The following ROR1 variants were observed in gnomAD, a reference collection of about 807,000 sequenced individuals.
ROR1 encodes the protein inactive tyrosine-protein kinase transmembrane receptor ROR1.
Under a neutral mutation model 78.8 loss-of-function variants are expected in ROR1, and 19 were observed. The ratio of observed to expected loss-of-function variants is 0.24; its 90% CI spans 0.17 to 0.35. The LOEUF is 0.35. Ranked by LOEUF, ROR1 falls within the 10% of genes least tolerant of loss-of-function variation. The pLI, the probability that ROR1 is intolerant of heterozygous loss-of-function variation, is 1.00. For synonymous variants in ROR1, 386 were observed against 433.6 expected, an observed-to-expected ratio of 0.89 and a Z score of 1.36; for missense variants, 917 against 1,177.8, an observed-to-expected ratio of 0.78 and a Z score of 3.24.
intron 1 of ROR1, among the ~76,000 whole-genome samples, chr1:63,793,955 G>A (rs1374460635): frequency 6.6e-6 from 1 of 152,160 alleles, no homozygotes; most frequent in Non-Finnish European, 1.5e-5. Context: ...AAAGACTCCT[G>A]TCTCCGTTGT....
intron 1 of ROR1, among the ~76,000 whole-genome samples, chr1:63,802,670 AT>A (rs902509024): frequency 6.6e-6 from 1 of 152,100 alleles, no homozygotes; most frequent in African/African-American, 2.4e-5. Context: ...TGAGACTTTG[AT>A]TTTATTTAGA....
intron 1 of ROR1, among the ~76,000 whole-genome samples, chr1:63,985,820 A>T (rs1646246190): frequency 6.6e-6 from 1 of 152,030 alleles, no homozygotes; most frequent in African/African-American, 2.4e-5. Context: ...GTTTAGATTT[A>T]GGTCCCATCC....
intron 4 of ROR1, among the ~76,000 whole-genome samples, chr1:64,115,063 C>A (rs1279603746): frequency 6.6e-6 from 1 of 152,134 alleles, no homozygotes; most frequent in Non-Finnish European, 1.5e-5. Flanking sequence ...CTCTTGGACT[C>A]AAGCAATCCC....
intron 1 of ROR1, among the ~76,000 whole-genome samples, chr1:63,913,718 G>A (rs543801993): frequency 2.6e-5 from 4 of 152,276 alleles, no homozygotes; most frequent in African/African-American, 9.6e-5. Flanking sequence ...CCCTTGCTAC[G>A]AGGCTGCTCT....
At chr1:63,823,057 G>A (rs1010133737) in intron 1 of ROR1, among the ~76,000 whole-genome samples, 2 of 151,916 alleles carry the variant, frequency 1.3e-5, no homozygotes, top group Non-Finnish European at 2.9e-5. Context: ...GGTTAAAAAA[G>A]GGAATATTAT....
At chr1:63,819,354 A>G (rs1474694790) in intron 1 of ROR1, among the ~76,000 whole-genome samples, 1 of 152,160 alleles carries the variant, frequency 6.6e-6, no homozygotes, top group East Asian at 1.9e-4. Context: ...TTATGAGGGC[A>G]GGTGCATACC....
chr1:64,083,320 T>C (rs1310219082), intron 4 of ROR1, among the ~76,000 whole-genome samples: 3 of 152,138 alleles, frequency 2.0e-5, no homozygotes, highest in Non-Finnish European at 2.9e-5. Context: ...TGAGGTCTTG[T>C]ATTTAGAGAC....
At chr1:63,796,877 C>T (rs535446026) in intron 1 of ROR1, among the ~76,000 whole-genome samples, 2 of 152,130 alleles carry the variant, frequency 1.3e-5, no homozygotes, top group Admixed American at 6.5e-5. Flanking sequence ...CCCAGCTCCT[C>T]AGTATCATTG....
At chr1:64,060,120 C>A (rs779097228) in intron 4 of ROR1, among the ~76,000 whole-genome samples, 1 of 151,476 alleles carries the variant, frequency 6.6e-6, no homozygotes, top group East Asian at 1.9e-4. Context: ...TCTTTCTTTT[C>A]TTTTATCTTC....
intron 1 of ROR1, among the ~76,000 whole-genome samples, chr1:63,811,589 C>A (rs1255078264): frequency 2.6e-5 from 4 of 152,050 alleles, no homozygotes; most frequent in Admixed American, 6.5e-5. Context: ...CTCCTTCCTA[C>A]ACTGAGATGT....
intron 1 of ROR1, among the ~76,000 whole-genome samples, chr1:64,008,346 T>C (rs1254604347): frequency 6.6e-6 from 1 of 152,244 alleles, no homozygotes; most frequent in Non-Finnish European, 1.5e-5. Flanking sequence ...TACCACATTC[T>C]CTTTATCCAG....
chr1:63,883,498 G>A (rs768783020), intron 1 of ROR1, among the ~76,000 whole-genome samples: 1 of 152,122 alleles, frequency 6.6e-6, no homozygotes, highest in Non-Finnish European at 1.5e-5. Flanking sequence ...CGGGAAAGAA[G>A]GCACCTTCCA....
chr1:63,916,305 G>T (rs535609777), intron 1 of ROR1, among the ~76,000 whole-genome samples: 52 of 152,252 alleles, frequency 3.4e-4, no homozygotes, highest in African/African-American at 1.2e-3. Context: ...TCTCAAGAAG[G>T]GCTCATCAAG....
At chr1:63,858,384 A>G (rs1280906567) in intron 1 of ROR1, among the ~76,000 whole-genome samples, 2 of 152,142 alleles carry the variant, frequency 1.3e-5, no homozygotes, top group East Asian at 1.9e-4. Flanking sequence ...AGCACTTTGC[A>G]TTAGTTAAGT....
intron 1 of ROR1, among the ~76,000 whole-genome samples, chr1:63,898,316 T>TAA (rs66482013): frequency 2.0e-4 from 31 of 151,418 alleles, no homozygotes; most frequent in Admixed American, 3.9e-4. Context: ...GAATTGAAAG[T>TAA]AAAAAAATCG....
At chr1:63,836,259 TCA>T (rs1645018276) in intron 1 of ROR1, among the ~76,000 whole-genome samples, 1 of 152,208 alleles carries the variant, frequency 6.6e-6, no homozygotes, top group Non-Finnish European at 1.5e-5. Flanking sequence ...CGTCCATGAT[TCA>T]CACTCATTGT....
At chr1:63,784,049 CTCTG>C (rs1014978196) in intron 1 of ROR1, among the ~76,000 whole-genome samples, 1 of 151,766 alleles carries the variant, frequency 6.6e-6, no homozygotes, top group African/African-American at 2.4e-5. Context: ...TTTTTTTCAA[CTCTG>C]TCTGATGATT....
chr1:64,015,166 C>T (rs899912130), intron 2 of ROR1, among the ~76,000 whole-genome samples: 6 of 152,058 alleles, frequency 3.9e-5, no homozygotes, highest in African/African-American at 7.2e-5. Context: ...TTCACTATCA[C>T]GTGAACAACA....
At chr1:64,094,424 G>A (rs945867646) in intron 4 of ROR1, 5 of 152,226 alleles carry the variant, frequency 3.3e-5, no homozygotes, top group Non-Finnish European at 5.9e-5. Flanking sequence ...GCAGTGGAAA[G>A]AGAACCAAGA....
Sources: gnomAD v4.1 joint callset for allele counts (sites outside exome capture counted in the v4.1 genomes callset) on GRCh38, gnomAD v4.1.1 for gene constraint, MANE v1.5 for transcripts, NCBI Gene and HGNC (gene_info 2026-07-23, HGNC 2026-07-21) for gene names.